Variants in ANKDD1B observed in about 807,000 individuals in gnomAD.
ANKDD1B encodes ankyrin repeat and death domain-containing protein 1B.
A neutral mutation model predicts 59.7 loss-of-function variants in ANKDD1B; 57 were observed. The ratio of observed to expected loss-of-function variants is 0.95; its 90% CI spans 0.77 to 1.19. ANKDD1B has a LOEUF of 1.19. Among genes scored for constraint, ANKDD1B ranks in the 50% most tolerant of loss-of-function variants. The pLI, the probability that ANKDD1B is intolerant of heterozygous loss-of-function variation, is 0.00. For missense variants in ANKDD1B, 602 were observed against 641.9 expected (o/e 0.94, Z 0.67); for synonymous variants, 216 against 239.5 (o/e 0.90, Z 0.91).
At chr5:75,635,039 G>T in intron 6 of ANKDD1B, 43 bp downstream of exon 6, 1 of 1,318,898 alleles carries the variant, frequency 7.6e-7, no homozygotes, top group Non-Finnish European at 1.1e-6. Context: ...AAGAGAAAGG[G>T]GAGTAACAAT....
At chr5:75,617,567 G>A (rs1275464041) in intron 2 of ANKDD1B, among the ~76,000 whole-genome samples, 1 of 152,134 alleles carries the variant, frequency 6.6e-6, no homozygotes, top group Non-Finnish European at 1.5e-5. Flanking sequence ...TGGAGGCTGT[G>A]TCAATTGCTT....
intron 5 of ANKDD1B, among the ~76,000 whole-genome samples, chr5:75,626,364 A>G (rs1773996552): frequency 1.3e-5 from 2 of 152,218 alleles, no homozygotes; most frequent in African/African-American, 4.8e-5. Context: ...GCATTTGTCA[A>G]TATTCCTTTT....
At chr5:75,641,701 A>C (rs1195528260) in intron 7 of ANKDD1B, among the ~76,000 whole-genome samples, 1 of 152,240 alleles carries the variant, frequency 6.6e-6, no homozygotes, top group African/African-American at 2.4e-5. Context: ...TTAAACACGC[A>C]AGAATAAATT....
intron 11 of ANKDD1B, 91 bp downstream of exon 11, chr5:75,663,580 C>G (rs1775221365): frequency 9.8e-7 from 1 of 1,017,702 alleles, no homozygotes; most frequent in African/African-American, 1.6e-5. Context: ...CCATTCTTTG[C>G]TCTAATGAGC....
intron 13 of ANKDD1B, 57 bp from the exon 14 acceptor site, chr5:75,670,922 G>A (rs1217623622): frequency 6.5e-6 from 4 of 616,144 alleles, no homozygotes; most frequent in South Asian, 1.7e-4. Flanking sequence ...GTGCCTGGTA[G>A]ACAATCAGTG....
intron 9 of ANKDD1B, among the ~76,000 whole-genome samples, chr5:75,659,064 C>T (rs1775048065): frequency 2.4e-5 from 1 of 41,928 alleles, no homozygotes; most frequent in Non-Finnish European, 4.3e-5. Context: ...GCCTGTTATT[C>T]CAATATATAG....
At chr5:75,666,234 G>A (rs549603417) in intron 11 of ANKDD1B, among the ~76,000 whole-genome samples, 7 of 152,206 alleles carry the variant, frequency 4.6e-5, no homozygotes, top group South Asian at 4.2e-4. Context: ...GACTTTAAAT[G>A]ATGTCCACTC....
intron 13 of ANKDD1B, among the ~76,000 whole-genome samples, chr5:75,669,850 T>A (rs1159135374): frequency 6.6e-6 from 1 of 152,220 alleles, no homozygotes. Context: ...CTTTGCCACC[T>A]GAGGTTATTG....
intron 7 of ANKDD1B, among the ~76,000 whole-genome samples, chr5:75,648,270 A>AAAAAAAAAAAATT (rs1554068887): frequency 1.1e-4 from 10 of 88,092 alleles, no homozygotes; most frequent in Admixed American, 2.2e-4. Flanking sequence ...AAAAAATTAA[A>AAAAAAAAAAAATT]AAAAAAAAAA....
At chr5:75,621,405 A>T (rs1425304589) in intron 3 of ANKDD1B, among the ~76,000 whole-genome samples, 1 of 151,890 alleles carries the variant, frequency 6.6e-6, no homozygotes, top group Non-Finnish European at 1.5e-5. Flanking sequence ...TTGAGTTCTG[A>T]TTTTTTCCCC....
intron 7 of ANKDD1B, among the ~76,000 whole-genome samples, chr5:75,638,537 C>T (rs548104617): frequency 5.0e-4 from 76 of 152,196 alleles, no homozygotes; most frequent in African/African-American, 1.4e-3. Flanking sequence ...ATCACATATA[C>T]ATTTATAATT....
chr5:75,627,500 A>G (rs1774024949), intron 5 of ANKDD1B, among the ~76,000 whole-genome samples: 1 of 152,226 alleles, frequency 6.6e-6, no homozygotes, highest in African/African-American at 2.4e-5. Flanking sequence ...GCAACAGGCC[A>G]GGCACATTGT....
At chr5:75,623,908 A>G (rs1468969465) in intron 3 of ANKDD1B, among the ~76,000 whole-genome samples, 2 of 152,220 alleles carry the variant, frequency 1.3e-5, no homozygotes, top group African/African-American at 4.8e-5. Flanking sequence ...CTCTCCCAAC[A>G]TGAATTCTAC....
intron 3 of ANKDD1B, among the ~76,000 whole-genome samples, chr5:75,622,212 C>CAATTAG (rs1402365204): frequency 6.6e-6 from 1 of 152,142 alleles, no homozygotes; most frequent in Non-Finnish European, 1.5e-5. Flanking sequence ...ACTGAGGATT[C>CAATTAG]AATTAGACAG....
rs561503906 is a variant in ANKDD1B, at chr5:75,620,283, G to T, written c.298-32G>T. ...ACCTAAAATCACTGAATAATGATCA[G>T]ATGACTAAAAACATAAATTATGCTT... On this transcript the variant is annotated intron_variant, in intron 2 of 13. Transcript: ENST00000601380. The T allele has an allele frequency of 8.5e-6, 10 of 1,169,902 alleles. No homozygotes were observed. The East Asian group carries it at 2.3e-4, about 27-fold the overall frequency. 72.5% of individuals were successfully genotyped at this position (1,169,902 alleles called of 1,614,324 possible).
chr5:75,664,195 C>T (rs534209762), intron 11 of ANKDD1B, among the ~76,000 whole-genome samples: 21 of 152,350 alleles, frequency 1.4e-4, no homozygotes, highest in African/African-American at 4.1e-4. Flanking sequence ...GCCCTAATCA[C>T]TTGGAGCCCA....
rs1471501853 is a variant in ANKDD1B at position 75,661,414 on chromosome 5, A to AAAAAAAAAAAAAAAAAAAAAAAAAAAG, written c.1096-1969_1096-1968insAAAAAAAAAAAAAAAGAAAAAAAAAAA. Among the ~76,000 whole-genome samples the AAAAAAAAAAAAAAAAAAAAAAAAAAAG allele has an allele frequency of 8.4e-5, 11 of 131,422 alleles. 1 individual carries two copies. The highest frequency in any genetic ancestry group is 1.1e-4 in the Non-Finnish European group (7 of 64,774). 86.2% of individuals were successfully genotyped at this position (131,422 alleles called of 152,430 possible). ...TCCGTCTGAAAAAAAAAAAAAAAAA[A>AAAAAAAAAAAAAAAAAAAAAAAAAAAG]AAAAAAAAAAAGTAACACAGGCCCA... On this transcript the variant is annotated intron_variant, in intron 10 of 13. Transcript: ENST00000601380.
intron 5 of ANKDD1B, among the ~76,000 whole-genome samples, chr5:75,631,483 T>G (rs1346780739): frequency 1.3e-5 from 2 of 152,174 alleles, no homozygotes; most frequent in Non-Finnish European, 2.9e-5. Flanking sequence ...GTGCAGTGAC[T>G]CTTGGAACTA....
Position 75,666,881 on chromosome 5 carries a change from G to A in ANKDD1B, c.1281G>A (p.Thr427=), listed in dbSNP as rs1775320284. The part of the protein sequence containing the change: ...DHSLETRHIR[T]LLWDLAYHQL... ...GTCTGGAGACCAGACACATTCGCAC[G>A]CTTCTCTGGGACCTGGCTTACCATC... The change falls in exon 12 of 14, where the codon ACG becomes ACA. Residue 427 remains threonine, a synonymous_variant. Transcript: ENST00000601380. 2.0e-6 allele frequency: 3 copies of A among 1,534,702 alleles called. No homozygotes were observed. Among genetic ancestry groups the A allele is most frequent in the East Asian group, 2.4e-5 (1 of 40,906 alleles).
Sources: allele counts gnomAD v4.1 joint callset (sites outside exome capture counted in the v4.1 genomes callset), GRCh38; gene constraint gnomAD v4.1.1; transcripts MANE v1.5; gene names NCBI Gene and HGNC (gene_info 2026-07-23, HGNC 2026-07-21).